The following COPB2 variants were observed in gnomAD, a reference collection of about 807,000 sequenced individuals.
The protein encoded by COPB2 is coat protein complex I subunit beta 2, also known as coatomer subunit beta'.
A neutral mutation model predicts 120.8 loss-of-function variants in COPB2; 16 were observed. That is an observed-to-expected ratio of 0.13 (90% confidence interval 0.09 to 0.20). The LOEUF is 0.20. COPB2 is among the 10% of genes least tolerant of loss of function. COPB2 has a pLI of 1.00. For missense variants in COPB2, 794 were observed against 1,076.5 expected, an observed-to-expected ratio of 0.74 and a Z score of 3.67; for synonymous variants, 332 against 366.3, an observed-to-expected ratio of 0.91 and a Z score of 1.07.
rs750265922 is a variant in COPB2 at position 139,368,376 on chromosome 3, C to T, written c.1402-88G>A. ...CATACTTGGTTTCTTACAACATTTA[C>T]CTTCTTATATCAAGATGATAAGTAT... On this transcript the variant is annotated intron_variant, in intron 12 of 21. Transcript: ENST00000333188. The T allele has an allele frequency of 8.3e-6, 11 of 1,319,390 alleles. No individual in the cohort carries two copies. The South Asian group carries it at 1.2e-4, about 14-fold the overall frequency. 81.7% of individuals were successfully genotyped at this position (1,319,390 alleles called of 1,614,324 possible).
intron 15 of COPB2, 66 bp from the exon 16 acceptor site, chr3:139,362,583 TATA>T (rs1011021241): frequency 9.7e-6 from 9 of 930,348 alleles, no homozygotes; most frequent in African/African-American, 6.7e-5. Flanking sequence ...TTTATATATA[TATA>T]TATACACACA....
At chr3:139,379,003 A>G in intron 4 of COPB2, 44 bp downstream of exon 4, 1 of 1,524,718 alleles carries the variant, frequency 6.6e-7, no homozygotes, top group Non-Finnish European at 8.8e-7. Context: ...ATGAAAATGA[A>G]TTACCCAAAG....
rs1033683436 is a variant in COPB2 at position 139,358,798 on chromosome 3, T to G, written c.2499A>C (p.Arg833Ser). ...QYPLVTPNEE[R>S]NVMEEGKDFQ... ...AGTCTTTTCCCTCTTCCATGACATT[T>G]CTCTCTTCATTTGGCTATCAGAGAA... Residue 833 changes from arginine to serine, a missense_variant, in exon 20 of 22, where the codon AGA (arginine) becomes AGC (serine). Arg to Ser is a moderately radical substitution (Grantham distance 110). This residue lies in a region of COPB2 where 178 missense variants were observed against 183.2 expected (regional missense o/e 0.97). Transcript: ENST00000333188. 7 of 1,612,498 alleles carry G rather than the reference T, an allele frequency of 4.3e-6. No individual in the cohort carries two copies. The highest frequency in any genetic ancestry group is 5.9e-6 in the Non-Finnish European group (7 of 1,178,698).
At chr3:139,386,031 T>C (rs1010262302) in intron 1 of COPB2, among the ~76,000 whole-genome samples, 2 of 152,200 alleles carry the variant, frequency 1.3e-5, no homozygotes, top group African/African-American at 2.4e-5. Context: ...CAGAGACAAC[T>C]TCCTGAGACA....
At chr3:139,389,269 C>G (rs1942002299) in intron 1 of COPB2, among the ~76,000 whole-genome samples, 1 of 152,232 alleles carries the variant, frequency 6.6e-6, no homozygotes. Flanking sequence ...CCTACACCAC[C>G]GATCCCGCTG....
At chr3:139,383,474 A>G in intron 1 of COPB2, 39 bp from the exon 2 acceptor site, 1 of 1,486,276 alleles carries the variant, frequency 6.7e-7, no homozygotes, top group Non-Finnish European at 9.0e-7. Flanking sequence ...TGCTAAGCCA[A>G]ATAAAATATG....
intron 1 of COPB2, among the ~76,000 whole-genome samples, chr3:139,385,869 A>G (rs1196532816): frequency 6.6e-6 from 1 of 152,228 alleles, no homozygotes; most frequent in Non-Finnish European, 1.5e-5. Context: ...CTGATTTAAA[A>G]TATATTTCCC....
chr3:139,369,407 G>C (rs764586259), intron 11 of COPB2, 40 bp from the exon 12 acceptor site: 2 of 1,605,194 alleles, frequency 1.2e-6, no homozygotes, highest in South Asian at 1.1e-5. Flanking sequence ...AGGCATTTTT[G>C]AGCCATTACA....
chr3:139,366,474 T>A, intron 15 of COPB2, 94 bp downstream of exon 15: 1 of 1,130,898 alleles, frequency 8.8e-7, no homozygotes, highest in Non-Finnish European at 1.2e-6. Flanking sequence ...GGAAATCAGT[T>A]GGCAATTAAG....
At chr3:139,383,248 A>G in intron 2 of COPB2, 50 bp downstream of exon 2, 1 of 1,588,326 alleles carries the variant, frequency 6.3e-7, no homozygotes, top group Non-Finnish European at 8.6e-7. Context: ...CATTATAAAC[A>G]CAGTCTCACA....
chr3:139,385,472 T>C (rs909370020), intron 1 of COPB2: 2 of 152,182 alleles, frequency 1.3e-5, no homozygotes, highest in Admixed American at 6.5e-5. Context: ...TGGAGAAAAA[T>C]GGTAGATTTA....
rs777410825 is a variant in COPB2 at position 139,357,622 on chromosome 3, A to G, written c.*241T>C. 3.9e-5 allele frequency: 14 copies of G among 361,130 alleles called. No individual in the cohort carries two copies. Among genetic ancestry groups the G allele is most frequent in the Non-Finnish European group, 6.4e-5 (13 of 202,876 alleles). The allele number at this position is 361,130 out of a possible 1,614,324, so 22.4% of individuals were successfully genotyped here. A position where few individuals can be genotyped will look rare whatever the true frequency, so the allele number is the denominator to read the frequency against. On this transcript the variant is annotated 3_prime_UTR_variant, in exon 22 of 22. Transcript: ENST00000333188. ...CAAAAGGTTTTATGAGATATGGTCT[A>G]ATAGTATGAAAAAAATCAAAGCCCA...
In COPB2 at chr3:139,361,127, C is replaced by T. The variant is rs201087921; in HGVS notation, c.2164G>A (p.Asp722Asn). The T allele has an allele frequency of 1.9e-6, 3 of 1,614,226 alleles. No individual in the cohort carries two copies. Among genetic ancestry groups the T allele is most frequent in the Non-Finnish European group, 2.5e-6 (3 of 1,180,038 alleles). ...VNKLAEGAERDGKNNVAFMSY... is the reference protein window; with the variant it reads ...VNKLAEGAERNGKNNVAFMSY... Reference sequence around the variant, plus strand: ...ATGAATGCCACATTATTTTTGCCATCTCTCTCCGCACCCTCTGCTAGCTTG... The same window carrying T: ...ATGAATGCCACATTATTTTTGCCATTTCTCTCCGCACCCTCTGCTAGCTTG... The change falls in exon 17 of 22, where the codon GAT becomes AAT. Residue 722 changes from aspartate to asparagine, a missense_variant. By Grantham distance (23) the Asp-to-Asn change is conservative (BLOSUM62 1). This residue lies in a region of COPB2 where 610 missense variants were observed against 866.7 expected (regional missense o/e 0.70). Transcript: ENST00000333188.
chr3:139,371,735 T>C lies in COPB2; in HGVS notation c.1193A>G (p.His398Arg), dbSNP rs1388957549. 3.7e-6 allele frequency: 6 copies of C among 1,613,810 alleles called. No individual in the cohort carries two copies. The highest frequency in any genetic ancestry group is 3.3e-5 in the South Asian group (3 of 91,076). ...FGSAQEFAWA[H>R]DSSEYAIRES... ...AATCAAAACTTACTCTGAAGAATCG[T>C]GGGCCCATGCAAACTCCTGAGCAGA... The change falls in exon 10 of 22, where the codon CAC becomes CGC. Residue 398 changes from histidine to arginine, a missense_variant. Transcript: ENST00000333188.
intron 7 of COPB2, among the ~76,000 whole-genome samples, chr3:139,374,053 T>C (rs1390571158): frequency 6.6e-6 from 1 of 152,258 alleles, no homozygotes; most frequent in Non-Finnish European, 1.5e-5. Flanking sequence ...CAGGATTTCC[T>C]GGGTAAAGTG....
At chr3:139,369,218 C>T (rs191931179) in intron 12 of COPB2, 43 bp downstream of exon 12, 1 of 1,542,680 alleles carries the variant, frequency 6.5e-7, no homozygotes, top group Non-Finnish European at 8.9e-7. Context: ...GAACTCATCA[C>T]AAAAATAAAT....
intron 15 of COPB2, among the ~76,000 whole-genome samples, chr3:139,365,481 T>C (rs978992414): frequency 6.6e-6 from 1 of 152,210 alleles, no homozygotes; most frequent in Admixed American, 6.5e-5. Flanking sequence ...TTATCTCTCA[T>C]TAACAATCCT....
At position 139,357,586 on chromosome 3, in the gene COPB2, C is replaced by T; in HGVS notation, c.*277G>A. 1 of 274,622 alleles carries T rather than the reference C, an allele frequency of 3.6e-6. No individual in the cohort carries two copies. The highest frequency in any genetic ancestry group is 6.7e-6 in the Non-Finnish European group (1 of 148,640). The allele number at this position is 274,622 out of a possible 1,614,324, so 17.0% of individuals were successfully genotyped here. A position where few individuals can be genotyped will look rare whatever the true frequency, so the allele number is the denominator to read the frequency against. ...CATTATTGAGAAAGGAAACAAGTACCTTCATTAATTCAAAAGGTTTTATGA... is the reference window on the plus strand; with the variant it reads ...CATTATTGAGAAAGGAAACAAGTACTTTCATTAATTCAAAAGGTTTTATGA... On this transcript the variant is annotated 3_prime_UTR_variant, in exon 22 of 22. Transcript: ENST00000333188.
At chr3:139,387,369 G>C (rs1276054662) in intron 1 of COPB2, among the ~76,000 whole-genome samples, 1 of 152,196 alleles carries the variant, frequency 6.6e-6, no homozygotes, top group African/African-American at 2.4e-5. Flanking sequence ...CAATGTACTA[G>C]GTACTTTGGG....
Sources: gnomAD v4.1 joint callset for allele counts (sites outside exome capture counted in the v4.1 genomes callset) on GRCh38, gnomAD v4.1.1 for gene constraint, gnomAD v4.1.1 regional missense constraint, MANE v1.5 for transcripts, NCBI Gene and HGNC (gene_info 2026-07-23, HGNC 2026-07-21) for gene names.